The following CASK variants were observed in gnomAD, a reference collection of about 807,000 sequenced individuals.
The protein encoded by CASK is peripheral plasma membrane protein CASK.
CASK carries 4 observed loss-of-function variants against 82.9 expected under a neutral mutation model. The ratio of observed to expected loss-of-function variants is 0.05; its 90% CI spans 0.02 to 0.11. CASK has a LOEUF of 0.11. CASK is among the 10% of genes least tolerant of loss of function. The pLI, the probability that CASK is intolerant of heterozygous loss-of-function variation, is 1.00. For synonymous variants in CASK, 259 were observed against 253.5 expected, an observed-to-expected ratio of 1.02 and a Z score of -0.20; for missense variants, 358 against 720.9, an observed-to-expected ratio of 0.50 and a Z score of 5.76.
At chrX:41,751,674 G>A (rs2068792066) in intron 3 of CASK, among the ~76,000 whole-genome samples, 1 of 110,483 alleles carries the variant, frequency 9.1e-6, no homozygotes, top group Non-Finnish European at 1.9e-5. Context: ...GCTCCTGGCT[G>A]GGACCATAGA....
At chrX:41,809,267 A>G (rs1226706029) in intron 2 of CASK, among the ~76,000 whole-genome samples, 3 of 112,039 alleles carry the variant, frequency 2.7e-5, no homozygotes, top group Non-Finnish European at 5.6e-5. Context: ...GGAGTTTTAG[A>G]TCTGAGAACG....
chrX:41,780,702 G>A (rs1203747200), intron 3 of CASK, among the ~76,000 whole-genome samples: 6 of 111,493 alleles, frequency 5.4e-5, no homozygotes, highest in Non-Finnish European at 9.4e-5. Context: ...AGGCTGGAGT[G>A]CAGTGGTGCT....
At chrX:41,696,866 C>A in intron 5 of CASK, 1 of 573,046 alleles carries the variant, frequency 1.7e-6, no homozygotes. Flanking sequence ...CTAGCATTTA[C>A]AAAACTCAGA....
At chrX:41,859,603 A>C (rs186443938) in intron 1 of CASK, among the ~76,000 whole-genome samples, 18 of 111,509 alleles carry the variant, frequency 1.6e-4, no homozygotes, top group African/African-American at 5.5e-4. Flanking sequence ...TTTGCTGTTT[A>C]ATATGGTCAC....
intron 11 of CASK, among the ~76,000 whole-genome samples, chrX:41,618,360 C>T (rs773464937): frequency 9.0e-6 from 1 of 111,391 alleles, no homozygotes; most frequent in Admixed American, 9.6e-5. Context: ...AGTGTAGTGG[C>T]GTGATCCTGG....
intron 9 of CASK, among the ~76,000 whole-genome samples, chrX:41,629,186 T>C (rs2066426346): frequency 9.0e-6 from 1 of 111,385 alleles, no homozygotes; most frequent in Admixed American, 9.6e-5. Flanking sequence ...ACTATATTGC[T>C]CAGGCTAGTC....
chrX:41,877,268 A>G (rs2071843732), intron 1 of CASK, among the ~76,000 whole-genome samples: 1 of 111,735 alleles, frequency 8.9e-6, no homozygotes, highest in Non-Finnish European at 1.9e-5. Context: ...CTTAACTATT[A>G]GTTCCAACTC....
chrX:41,739,429 A>T lies in CASK; in HGVS notation c.384T>A (p.Ala128=). Residue 128 remains alanine, a synonymous_variant, in exon 5 of 27, where the codon GCT becomes GCA. Transcript: ENST00000378163. ...TGTTATTATCATGGCAGTAGCGTAG[A>T]GCTTCCAGTATCTGTCTCATATAAT... ...ASHYMRQILE[A]LRYCHDNNII... is the part of the protein sequence containing the mutation. The T allele has an allele frequency of 8.5e-7, 1 of 1,180,043 alleles. No homozygotes were observed. The highest frequency in any genetic ancestry group is 1.2e-6 in the Non-Finnish European group (1 of 866,681).
chrX:41,894,597 TAA>T (rs1209248352), intron 1 of CASK, among the ~76,000 whole-genome samples: 2 of 40,482 alleles, frequency 4.9e-5, no homozygotes, highest in African/African-American at 9.8e-5. Context: ...ACCCAAATAT[TAA>T]AAAAAAAAAA....
At chrX:41,549,996 C>T (rs1409378602) in intron 21 of CASK, among the ~76,000 whole-genome samples, 1 of 105,911 alleles carries the variant, frequency 9.4e-6, no homozygotes, top group Admixed American at 1.0e-4. Context: ...CCTGTCTCTA[C>T]TAAAAACACA....
At chrX:41,722,644 G>A (rs2147663007) in intron 5 of CASK, among the ~76,000 whole-genome samples, 1 of 112,336 alleles carries the variant, frequency 8.9e-6, no homozygotes, top group Admixed American at 9.4e-5. Flanking sequence ...AGTGATAGTA[G>A]AAGCTGTAGT....
At chrX:41,552,620 G>T (rs182308741) in intron 21 of CASK, 1 of 111,925 alleles carries the variant, frequency 8.9e-6, no homozygotes, top group Admixed American at 9.6e-5. Context: ...GCTTATGCTT[G>T]AACTGTTTCT....
chrX:41,770,246 T>C (rs975499791), intron 3 of CASK, among the ~76,000 whole-genome samples: 1 of 106,409 alleles, frequency 9.4e-6, no homozygotes, highest in African/African-American at 3.5e-5. Flanking sequence ...TAATACAATC[T>C]ATCTATCTAT....
intron 8 of CASK, among the ~76,000 whole-genome samples, chrX:41,650,707 C>T (rs753483735): frequency 1.3e-4 from 14 of 109,877 alleles, no homozygotes; most frequent in African/African-American, 4.6e-4. Context: ...CTCAGCCTCT[C>T]AAGTAGCTGA....
At chrX:41,806,961 C>T (rs766230928) in intron 2 of CASK, among the ~76,000 whole-genome samples, 101 of 111,134 alleles carry the variant, frequency 9.1e-4, no homozygotes, top group Non-Finnish European at 1.6e-3. Flanking sequence ...TTTGGAACCA[C>T]GTAAATGTTT....
chrX:41,842,336 C>T (rs1049464722), intron 2 of CASK, among the ~76,000 whole-genome samples: 1 of 110,424 alleles, frequency 9.1e-6, no homozygotes, highest in Non-Finnish European at 1.9e-5. Flanking sequence ...CCCTGGGAGG[C>T]GAGGTGGGCA....
At chrX:41,899,661 C>A (rs2072333022) in intron 1 of CASK, among the ~76,000 whole-genome samples, 1 of 111,505 alleles carries the variant, frequency 9.0e-6, no homozygotes, top group Non-Finnish European at 1.9e-5. Flanking sequence ...AAGTACGACA[C>A]TTTTTCTCCT....
chrX:41,525,319 A>C (rs2064696628), intron 25 of CASK, among the ~76,000 whole-genome samples: 1 of 110,977 alleles, frequency 9.0e-6, no homozygotes, highest in African/African-American at 3.3e-5. Context: ...GCCTTCCTGA[A>C]CTACTTTCAG....
intron 12 of CASK, among the ~76,000 whole-genome samples, chrX:41,592,222 A>G (rs962292803): frequency 3.8e-4 from 37 of 97,269 alleles, no homozygotes; most frequent in Non-Finnish European, 5.9e-4. Flanking sequence ...CTTTGTCTCG[A>G]AAAAAAAAAA....
Sources: gnomAD v4.1 joint callset for allele counts (sites outside exome capture counted in the v4.1 genomes callset) on GRCh38, gnomAD v4.1.1 for gene constraint, MANE v1.5 for transcripts, NCBI Gene and HGNC (gene_info 2026-07-23, HGNC 2026-07-21) for gene names.